CFAP20DC: variants seen among roughly 807,000 people sequenced by gnomAD.
CFAP20DC encodes protein CFAP20DC.
In CFAP20DC, 84 loss-of-function variants were observed where a neutral mutation model predicts 101.7. The ratio of observed to expected loss-of-function variants is 0.83; its 90% CI spans 0.69 to 0.99. The LOEUF is 0.99. CFAP20DC is among the 50% of genes least tolerant of loss of function. CFAP20DC has a pLI of 0.00. For missense variants in CFAP20DC, 1,007 were observed against 970.3 expected (o/e 1.04, Z -0.50); for synonymous variants, 359 against 351.2 (o/e 1.02, Z -0.25).
chr3:58,982,554 T>C (rs545997184), intron 4 of CFAP20DC, among the ~76,000 whole-genome samples: 16 of 151,818 alleles, frequency 1.1e-4, no homozygotes, highest in African/African-American at 3.4e-4. Context: ...ATGTCCTTTG[T>C]AGGGACATGG....
At chr3:58,980,840 T>C (rs962701368) in intron 4 of CFAP20DC, among the ~76,000 whole-genome samples, 3 of 152,212 alleles carry the variant, frequency 2.0e-5, no homozygotes, top group Non-Finnish European at 2.9e-5. Flanking sequence ...AACATAGTGT[T>C]GGAAGTTCTG....
intron 14 of CFAP20DC, among the ~76,000 whole-genome samples, chr3:58,819,232 C>T (rs901978308): frequency 5.3e-5 from 8 of 151,736 alleles, no homozygotes; most frequent in Non-Finnish European, 8.8e-5. Context: ...ATTAAAAGAA[C>T]TAGAAAAGCA....
At chr3:58,845,957 TCAA>T (rs2077598862) in intron 13 of CFAP20DC, among the ~76,000 whole-genome samples, 1 of 150,934 alleles carries the variant, frequency 6.6e-6, no homozygotes, top group South Asian at 2.1e-4. Flanking sequence ...TTGACAAAAT[TCAA>T]CAACCCTTCA....
Position 58,937,627 on chromosome 3 carries a change from C to T in CFAP20DC, c.393+21G>A, listed in dbSNP as rs768588266. 8.1e-6 allele frequency: 11 copies of T among 1,361,008 alleles called. 1 individual carries two copies. In the Middle Eastern group the frequency reaches 7.2e-4, roughly 89 times the overall value. The allele number at this position is 1,361,008 out of a possible 1,614,324, so 84.3% of individuals were successfully genotyped here. On this transcript the variant is annotated intron_variant, in intron 5 of 16. Coordinates refer to ENST00000482387, the MANE Select transcript of CFAP20DC (RefSeq NM_001394063.1). ...GTTGAATTGAATTTAATATTTTAGG[C>T]AACATTCATGTGATACTTACAATTT...
chr3:58,906,769 A>G (rs369905580), intron 6 of CFAP20DC, among the ~76,000 whole-genome samples: 8 of 152,076 alleles, frequency 5.3e-5, no homozygotes, highest in African/African-American at 1.9e-4. Flanking sequence ...TCTACTCAAA[A>G]TAGAAAAAAA....
At chr3:58,930,828 C>G (rs1041140054) in intron 5 of CFAP20DC, among the ~76,000 whole-genome samples, 1 of 152,168 alleles carries the variant, frequency 6.6e-6, no homozygotes, top group Admixed American at 6.5e-5. Context: ...GTCTACAGCT[C>G]CCAGCGTGAG....
intron 5 of CFAP20DC, 113 bp downstream of exon 5, chr3:58,937,535 A>AT (rs1362104919): frequency 4.3e-6 from 3 of 691,570 alleles, no homozygotes; most frequent in Non-Finnish European, 7.7e-6. Context: ...AATTTTATTC[A>AT]TTTTTTATAC....
chr3:58,859,705 A>C lies in CFAP20DC; in HGVS notation c.1593+3853T>G, dbSNP rs904214652. 7.9e-5 allele frequency among the ~76,000 whole-genome samples: 12 copies of C among 152,210 alleles called. No individual in the cohort carries two copies. Among genetic ancestry groups the C allele is most frequent in the Non-Finnish European group, 1.8e-4 (12 of 68,034 alleles). On this transcript the variant is annotated intron_variant, in intron 12 of 16. Coordinates refer to ENST00000482387, the MANE Select transcript of CFAP20DC (RefSeq NM_001394063.1). This position sits in a 1 kb window ranked among gnomAD's most constrained non-coding sequence, Gnocchi z 4.1. ...TACAGAATATGTTATGTTCTAATTC[A>C]TAATACATAGGAATAAAAATGCAAG...
rs1161542253 is a variant in CFAP20DC, at chr3:58,799,409, A to G, written c.2237+6986T>C. ...ACAAAAAAGGTTTCGTTTATTATAA[A>G]TGGGAACAGGGCCAGGTACTAGAGA... On this transcript the variant is annotated intron_variant, in intron 15 of 16. Transcript: ENST00000482387. This position sits in a 1 kb window ranked among gnomAD's most constrained non-coding sequence, Gnocchi z 4.9. 6.6e-6 allele frequency among the ~76,000 whole-genome samples: 1 copy of G among 152,184 alleles called. No individual in the cohort carries two copies. Among genetic ancestry groups the G allele is most frequent in the East Asian group, 1.9e-4 (1 of 5,196 alleles).
chr3:58,806,577 TG>T (rs1170626159), intron 14 of CFAP20DC, 121 bp from the exon 15 acceptor site: 2 of 730,666 alleles, frequency 2.7e-6, no homozygotes, highest in Non-Finnish European at 4.9e-6. Flanking sequence ...AGGGTATGGG[TG>T]GGAGGGCAGC....
At chr3:58,719,059 G>A (rs1010006946) in intron 3 of CFAP20DC, among the ~76,000 whole-genome samples, 1 of 152,060 alleles carries the variant, frequency 6.6e-6, no homozygotes, top group Admixed American at 6.6e-5. Flanking sequence ...AGTGGGCAAC[G>A]TAGGGGAAAC....
At chr3:58,958,984 T>C (rs2065856584) in intron 4 of CFAP20DC, among the ~76,000 whole-genome samples, 1 of 152,246 alleles carries the variant, frequency 6.6e-6, no homozygotes, top group Non-Finnish European at 1.5e-5. Context: ...ATTTTTTTCT[T>C]ATACTAATCA....
chr3:58,972,717 G>A (rs1292625562), intron 4 of CFAP20DC, among the ~76,000 whole-genome samples: 2 of 152,182 alleles, frequency 1.3e-5, no homozygotes, highest in South Asian at 4.1e-4. Context: ...GTAATGAGGA[G>A]GTAAATTAAC....
chr3:58,778,872 A>C (rs2071576539), intron 15 of CFAP20DC, among the ~76,000 whole-genome samples: 1 of 152,226 alleles, frequency 6.6e-6, no homozygotes, highest in Non-Finnish European at 1.5e-5. Flanking sequence ...TTATAGCCCA[A>C]GATATCATAC....
chr3:58,925,811 C>A (rs1284835873), intron 5 of CFAP20DC, among the ~76,000 whole-genome samples: 1 of 152,204 alleles, frequency 6.6e-6, no homozygotes. Context: ...GAACCAGAAT[C>A]TGAACCCATA....
intron 15 of CFAP20DC, among the ~76,000 whole-genome samples, chr3:58,774,545 C>T (rs1445129407): frequency 6.6e-6 from 1 of 152,142 alleles, no homozygotes; most frequent in Non-Finnish European, 1.5e-5. Context: ...GGAAAGATCA[C>T]ACAATAAAAT....
Position 58,849,289 on chromosome 3 carries a change from T to C in CFAP20DC, c.1714A>G (p.Ser572Gly), listed in dbSNP as rs1055064268. 1 of 1,536,080 alleles carries C rather than the reference T, an allele frequency of 6.5e-7. No homozygotes were observed. The highest frequency in any genetic ancestry group is 8.7e-7 in the Non-Finnish European group (1 of 1,146,896). Reference sequence around the variant, plus strand: ...GTTGCTCCTGCTTCTGTGTAGGCGCTCCTTAGATATTCCTTACTTGTCCGC... The same window carrying C: ...GTTGCTCCTGCTTCTGTGTAGGCGCCCCTTAGATATTCCTTACTTGTCCGC... Reference protein sequence around the residue: ...AKRTSKEYLRSAYTEAGATES... With the variant: ...AKRTSKEYLRGAYTEAGATES... The change falls in exon 13 of 17, where the codon AGC becomes GGC. Residue 572 changes from serine (S) to glycine (G), a missense_variant. By Grantham distance (56) the Ser-to-Gly change is moderately conservative (BLOSUM62 0). Transcript: ENST00000482387.
At chr3:58,955,092 T>C (rs2090502653) in intron 4 of CFAP20DC, among the ~76,000 whole-genome samples, 2 of 152,146 alleles carry the variant, frequency 1.3e-5, no homozygotes, top group Non-Finnish European at 1.5e-5. Context: ...TAAGGACTTA[T>C]GCAACCATCA....
In CFAP20DC at chr3:58,963,190, T is replaced by TTGTGTGTGTGTGTG. The variant is rs56234919; in HGVS notation, c.279-25442_279-25429dup. Among the ~76,000 whole-genome samples the TTGTGTGTGTGTGTG allele has an allele frequency of 9.3e-3, 1,099 of 118,256 alleles. 20 individuals are homozygous for TTGTGTGTGTGTGTG. Among genetic ancestry groups the TTGTGTGTGTGTGTG allele is most frequent in the Middle Eastern group, 0.02 (4 of 196 alleles). The allele number at this position is 118,256 out of a possible 152,430, so 77.6% of individuals were successfully genotyped here. ...ATACTTCTTCTCAAGGTTCAGTAGT[T>TTGTGTGTGTGTGTG]TGTGTGTGTGTGTGTGTGTGTGTGT... On this transcript the variant is annotated intron_variant, in intron 4 of 16. Coordinates refer to ENST00000482387, the MANE Select transcript of CFAP20DC (RefSeq NM_001394063.1).
Sources: allele counts gnomAD v4.1 joint callset (sites outside exome capture counted in the v4.1 genomes callset), GRCh38; gene constraint gnomAD v4.1.1; non-coding constraint Gnocchi (gnomAD v3.1); transcripts MANE v1.5; gene names NCBI Gene and HGNC (gene_info 2026-07-23, HGNC 2026-07-21).